Variants in CFDP1 observed in about 807,000 individuals in gnomAD.
CFDP1 encodes heterochromatin-stabilizing protein CFDP1.
Under a neutral mutation model 40.1 loss-of-function variants are expected in CFDP1, and 31 were observed. The observed-to-expected ratio is 0.77, with a 90% CI of 0.58 to 1.04. The LOEUF (loss-of-function observed/expected upper bound fraction) is 1.04, where lower values mean the gene tolerates loss of function less well. Among genes scored for constraint, CFDP1 ranks in the 50% least tolerant of loss-of-function variants. CFDP1 has a pLI of 0.00. For missense variants in CFDP1, 423 were observed against 343.4 expected, an observed-to-expected ratio of 1.23 and a Z score of -1.83; for synonymous variants, 167 against 120.0, an observed-to-expected ratio of 1.39 and a Z score of -2.56.
chr16:75,334,721 G>T (rs1485531226), intron 5 of CFDP1, among the ~76,000 whole-genome samples: 1 of 152,162 alleles, frequency 6.6e-6, no homozygotes, highest in Non-Finnish European at 1.5e-5. Flanking sequence ...TTGGGAGGCT[G>T]ACGCAGGCGG....
intron 5 of CFDP1, among the ~76,000 whole-genome samples, chr16:75,327,222 G>C (rs1414280109): frequency 6.6e-6 from 1 of 152,252 alleles, no homozygotes. Flanking sequence ...AGCCAAGATA[G>C]AGCCACTGCA....
intron 5 of CFDP1, among the ~76,000 whole-genome samples, chr16:75,362,055 T>A (rs1277475776): frequency 3.3e-5 from 5 of 152,190 alleles, no homozygotes; most frequent in African/African-American, 4.8e-5. Flanking sequence ...AGTTATTCAT[T>A]CGGAGATGCT....
At chr16:75,416,808 T>C (rs1402394185) in intron 1 of CFDP1, among the ~76,000 whole-genome samples, 1 of 151,388 alleles carries the variant, frequency 6.6e-6, no homozygotes, top group African/African-American at 2.4e-5. Context: ...GCCAGCTGTG[T>C]GAAAATCTGG....
chr16:75,299,539 G>A (rs1448917106), intron 6 of CFDP1, among the ~76,000 whole-genome samples: 1 of 151,648 alleles, frequency 6.6e-6, no homozygotes, highest in Non-Finnish European at 1.5e-5. Flanking sequence ...AGTTTGCAGT[G>A]AGCTGAGATC....
chr16:75,351,725 T>C (rs1333212319), intron 5 of CFDP1, among the ~76,000 whole-genome samples: 2 of 152,146 alleles, frequency 1.3e-5, no homozygotes, highest in Non-Finnish European at 2.9e-5. Context: ...AAAAGGTAAA[T>C]AGCCAAGTGT....
At chr16:75,367,164 CA>C (rs35018865) in intron 5 of CFDP1, among the ~76,000 whole-genome samples, 46,829 of 87,000 alleles carry the variant, frequency 0.54, 9,537 homozygotes, top group Admixed American at 0.64. Flanking sequence ...GACTCCATCT[CA>C]AAAAAAAAAA....
chr16:75,401,242 T>C (rs11149826), intron 4 of CFDP1, among the ~76,000 whole-genome samples: 78,066 of 151,132 alleles, frequency 0.52, 21,167 homozygotes, highest in Admixed American at 0.64. Flanking sequence ...TGCTGGCTAA[T>C]ACAGTGAAAC....
intron 4 of CFDP1, among the ~76,000 whole-genome samples, chr16:75,403,906 C>A (rs1413417204): frequency 1.3e-5 from 2 of 151,908 alleles, no homozygotes; most frequent in East Asian, 2.0e-4. Flanking sequence ...CCGAAGTGGG[C>A]GTATCATTTG....
At chr16:75,347,015 T>G (rs998194738) in intron 5 of CFDP1, among the ~76,000 whole-genome samples, 1 of 151,980 alleles carries the variant, frequency 6.6e-6, no homozygotes, top group Non-Finnish European at 1.5e-5. Context: ...TCTTTATTAA[T>G]AGCATGAAAA....
intron 4 of CFDP1, chr16:75,409,535 T>A (rs2079137299): frequency 6.6e-6 from 1 of 152,228 alleles, no homozygotes; most frequent in East Asian, 1.9e-4. Flanking sequence ...TTTAGAAAAG[T>A]ACTGGTCTGC....
At position 75,433,442 on chromosome 16, in the gene CFDP1, C is replaced by CGGCGGCGACGGCAGCTAG. The variant is rs1315982424; in HGVS notation, c.-108_-91dup. 2 of 1,301,080 alleles carry CGGCGGCGACGGCAGCTAG rather than the reference C, an allele frequency of 1.5e-6. No individual in the cohort carries two copies. Among genetic ancestry groups the CGGCGGCGACGGCAGCTAG allele is most frequent in the Non-Finnish European group, 2.1e-6 (2 of 934,236 alleles). The allele number at this position is 1,301,080 out of a possible 1,614,324, so 80.6% of individuals were successfully genotyped here. ...CTAGGGAGAGACCATAGAGCCCCGG[C>CGGCGGCGACGGCAGCTAG]GGCGGCGACGGCAGCTAGGGCGGCC... On this transcript the variant is annotated 5_prime_UTR_variant, in exon 1 of 7. Coordinates refer to ENST00000283882, the MANE Select transcript of CFDP1 (RefSeq NM_006324.3).
At chr16:75,297,194 G>GTGTGTGTGTGTGTT (rs1567637643) in intron 6 of CFDP1, among the ~76,000 whole-genome samples, 1 of 146,226 alleles carries the variant, frequency 6.8e-6, no homozygotes, top group Admixed American at 6.8e-5. Context: ...GTGTGTGTGT[G>GTGTGTGTGTGTGTT]TTTTTAGTAG....
At chr16:75,346,930 C>T (rs919006849) in intron 5 of CFDP1, among the ~76,000 whole-genome samples, 1 of 152,094 alleles carries the variant, frequency 6.6e-6, no homozygotes, top group Non-Finnish European at 1.5e-5. Flanking sequence ...TCTTGTCTGT[C>T]CTTCCATATG....
chr16:75,378,231 G>A lies in CFDP1; in HGVS notation c.650+16859C>T, dbSNP rs576022463. ...GAGGACAAGTCAACCTGAAATAAAG[G>A]AAATAGCAGGAATTGCAAAATAGGT... is the stretch of plus-strand genomic sequence containing the variant. On this transcript the variant is annotated intron_variant, in intron 5 of 6. Transcript: ENST00000283882. Among the ~76,000 whole-genome samples the A allele has an allele frequency of 3.3e-5, 5 of 151,710 alleles. No homozygotes were observed. In the South Asian group the frequency reaches 1.0e-3, roughly 32 times the overall value.
intron 5 of CFDP1, among the ~76,000 whole-genome samples, chr16:75,312,469 CCTTT>C (rs1329550351): frequency 3.9e-5 from 6 of 152,122 alleles, no homozygotes; most frequent in African/African-American, 1.4e-4. Flanking sequence ...AACAGCTTTA[CCTTT>C]TTTTTATACA....
chr16:75,393,737 C>CAAAAAAAAAAAAA (rs61344775), intron 5 of CFDP1, among the ~76,000 whole-genome samples: 4 of 80,618 alleles, frequency 5.0e-5, no homozygotes, highest in African/African-American at 2.3e-4. Context: ...GACTCCGTCG[C>CAAAAAAAAAAAAA]AAAAAAAAAA....
intron 1 of CFDP1, among the ~76,000 whole-genome samples, chr16:75,422,288 G>C (rs932036329): frequency 6.6e-6 from 1 of 152,034 alleles, no homozygotes; most frequent in African/African-American, 2.4e-5. Context: ...AGTAGAGACA[G>C]GGTTTCACCG....
chr16:75,410,365 G>T (rs1242110045), intron 4 of CFDP1, among the ~76,000 whole-genome samples: 1 of 152,076 alleles, frequency 6.6e-6, no homozygotes, highest in African/African-American at 2.4e-5. Context: ...AAATTACAGG[G>T]ATGTGGCTCT....
intron 5 of CFDP1, among the ~76,000 whole-genome samples, chr16:75,344,597 GACT>G (rs1334487788): frequency 6.6e-6 from 1 of 152,140 alleles, no homozygotes; most frequent in African/African-American, 2.4e-5. Context: ...TTCAGAAAGG[GACT>G]AATAACCCTT....
Sources: gnomAD v4.1 joint callset for allele counts (sites outside exome capture counted in the v4.1 genomes callset) on GRCh38, gnomAD v4.1.1 for gene constraint, MANE v1.5 for transcripts, NCBI Gene and HGNC (gene_info 2026-07-23, HGNC 2026-07-21) for gene names.